The following RHOU variants were observed in gnomAD, a reference collection of about 807,000 sequenced individuals.
RHOU encodes the protein rho-related GTP-binding protein RhoU.
In RHOU, 8 loss-of-function variants were observed where a neutral mutation model predicts 12.6. That is an observed-to-expected ratio of 0.64 (90% CI 0.37 to 1.15). The LOEUF (loss-of-function observed/expected upper bound fraction) is 1.15. Ranked by LOEUF, RHOU falls within the 50% of genes most tolerant of loss-of-function variation. The pLI, the probability that RHOU is intolerant of heterozygous loss-of-function variation, is 0.01. For synonymous variants in RHOU, 161 were observed against 147.4 expected (o/e 1.09, Z -0.67); for missense variants, 258 against 347.0 (o/e 0.74, Z 2.04).
the RHOU span, among the ~76,000 whole-genome samples, chr1:228,684,811 G>A: frequency 3.3e-5 from 5 of 152,154 alleles, no homozygotes; most frequent in East Asian, 1.9e-4. Flanking sequence ...AAAAGGGAAC[G>A]TGGTGCTGTT....
chr1:228,722,918 G>A, the RHOU span, among the ~76,000 whole-genome samples: 1 of 152,120 alleles, frequency 6.6e-6, no homozygotes, highest in Non-Finnish European at 1.5e-5. Context: ...ACCATTCCCG[G>A]CCCCGGCCTT....
intron 1 of RHOU, 70 bp downstream of exon 1, chr1:228,736,074 G>C: frequency 6.8e-7 from 1 of 1,470,950 alleles, no homozygotes; most frequent in East Asian, 2.7e-5. Flanking sequence ...AAGGTGGCGC[G>C]AGGGTCGCGA....
chr1:228,707,252 T>G, the RHOU span, among the ~76,000 whole-genome samples: 1 of 77,150 alleles, frequency 1.3e-5, no homozygotes, highest in African/African-American at 9.3e-5. Flanking sequence ...TATATATATA[T>G]ATAGTGTGTG....
the RHOU span, among the ~76,000 whole-genome samples, chr1:228,713,059 T>C: frequency 1.6e-4 from 24 of 152,196 alleles, no homozygotes; most frequent in East Asian, 4.6e-3. Flanking sequence ...GGTACATATT[T>C]GGTGTTTGAC....
At chr1:228,713,709 G>C in the RHOU span, among the ~76,000 whole-genome samples, 2 of 152,142 alleles carry the variant, frequency 1.3e-5, no homozygotes, top group Non-Finnish European at 2.9e-5. Flanking sequence ...TCAAACCCAA[G>C]GAGAGGTCAT....
the RHOU span, among the ~76,000 whole-genome samples, chr1:228,685,871 C>A: frequency 6.6e-6 from 1 of 152,160 alleles, no homozygotes; most frequent in African/African-American, 2.4e-5. Flanking sequence ...TAATCTAGTG[C>A]AACCCTTAAT....
chr1:228,663,805 G>T, the RHOU span, among the ~76,000 whole-genome samples: 6 of 150,782 alleles, frequency 4.0e-5, no homozygotes, highest in Admixed American at 6.6e-5. Flanking sequence ...GCTAATTTTT[G>T]TATTTTTAGT....
chr1:228,686,905 G>T, the RHOU span, among the ~76,000 whole-genome samples: 3 of 151,974 alleles, frequency 2.0e-5, no homozygotes, highest in African/African-American at 7.3e-5. Context: ...ACATCTAGCT[G>T]ATTTTTGTAT....
At chr1:228,686,615 C>A in the RHOU span, among the ~76,000 whole-genome samples, 1 of 152,118 alleles carries the variant, frequency 6.6e-6, no homozygotes, top group East Asian at 1.9e-4. Flanking sequence ...TGGGTCGGTG[C>A]AAAACTCATT....
the RHOU span, among the ~76,000 whole-genome samples, chr1:228,723,654 A>G: frequency 6.6e-6 from 1 of 152,202 alleles, no homozygotes; most frequent in African/African-American, 2.4e-5. Context: ...GGGCTTTACG[A>G]GTGGGGCCTT....
the RHOU span, chr1:228,650,181 A>T: frequency 4.4e-6 from 2 of 456,682 alleles, no homozygotes; most frequent in South Asian, 3.1e-5. Flanking sequence ...TAGTTCCATC[A>T]GCGGCTGCAG....
chr1:228,658,391 T>A, the RHOU span, among the ~76,000 whole-genome samples: 1 of 152,056 alleles, frequency 6.6e-6, no homozygotes, highest in Non-Finnish European at 1.5e-5. Flanking sequence ...TAAAAGGACT[T>A]GAAGGAGTGG....
the RHOU span, among the ~76,000 whole-genome samples, chr1:228,658,625 A>G: frequency 1.3e-4 from 20 of 152,252 alleles, no homozygotes; most frequent in Non-Finnish European, 2.8e-4. Flanking sequence ...CAACATGAAC[A>G]AATTAAGATA....
At chr1:228,675,824 A>T in the RHOU span, among the ~76,000 whole-genome samples, 1 of 152,348 alleles carries the variant, frequency 6.6e-6, no homozygotes, top group East Asian at 1.9e-4. Context: ...AAGCAGAGGC[A>T]AAATTAATAC....
the RHOU span, among the ~76,000 whole-genome samples, chr1:228,694,455 G>C: frequency 4.6e-5 from 7 of 152,110 alleles, no homozygotes; most frequent in African/African-American, 1.4e-4. Context: ...GAATCCATTA[G>C]CTATTCTTCC....
chr1:228,661,465 T>A, the RHOU span, among the ~76,000 whole-genome samples: 5,258 of 152,272 alleles, frequency 0.035, 279 homozygotes, highest in African/African-American at 0.11. Flanking sequence ...AGCATGGTAC[T>A]GGTCCCAAAA....
chr1:228,735,460 C>T, upstream of RHOU: 1 of 223,536 alleles, frequency 4.5e-6, no homozygotes, highest in Non-Finnish European at 8.7e-6. The surrounding 1 kb of genome is among the most constrained non-coding windows in gnomAD (Gnocchi z 8.1). Context: ...GTCGTGTCGC[C>T]GGGAAGCCGG....
At chr1:228,707,441 C>T in the RHOU span, among the ~76,000 whole-genome samples, 1 of 151,084 alleles carries the variant, frequency 6.6e-6, no homozygotes, top group Non-Finnish European at 1.5e-5. Flanking sequence ...GTGGTTCTCC[C>T]AGCACGCAGC....
At position 228,735,603 on chromosome 1, in the gene RHOU, C is replaced by G; in HGVS notation, c.-140C>G. 3.2e-6 allele frequency: 2 copies of G among 634,522 alleles called. No homozygotes were observed. Among genetic ancestry groups the G allele is most frequent in the Non-Finnish European group, 4.3e-6 (2 of 466,336 alleles). 39.3% of individuals were successfully genotyped at this position (634,522 alleles called of 1,614,324 possible). A position where few individuals can be genotyped will look rare whatever the true frequency, so the allele number is the denominator to read the frequency against. On this transcript the variant is annotated 5_prime_UTR_variant, in exon 1 of 3. Transcript: ENST00000366691. This position sits in a 1 kb window ranked among gnomAD's most constrained non-coding sequence, Gnocchi z 8.1. ...CGCCTTTGTCTACTGGCCGTGCGGCCCGGAACCGCCACTCTCCAGGGCCGG... is the reference window on the plus strand; with the variant it reads ...CGCCTTTGTCTACTGGCCGTGCGGCGCGGAACCGCCACTCTCCAGGGCCGG...
Sources: allele counts gnomAD v4.1 joint callset (sites outside exome capture counted in the v4.1 genomes callset), GRCh38; gene constraint gnomAD v4.1.1; non-coding constraint Gnocchi (gnomAD v3.1); transcripts MANE v1.5; gene names NCBI Gene and HGNC (gene_info 2026-07-23, HGNC 2026-07-21).